The following NFILZ variants were observed in gnomAD, a reference collection of about 807,000 sequenced individuals.
NFILZ encodes NFIL3 like protein.
At chr19:8,634,240 C>G (rs1371074842) in intron 2 of NFILZ, among the ~76,000 whole-genome samples, 4 of 151,994 alleles carry the variant, frequency 2.6e-5, no homozygotes, top group Non-Finnish European at 5.9e-5. Context: ...TCAAGTGATC[C>G]ACCCCCTTGG....
intron 3 of NFILZ, among the ~76,000 whole-genome samples, chr19:8,656,751 GGT>G (rs1208960802): frequency 6.6e-6 from 1 of 152,234 alleles, no homozygotes; most frequent in Non-Finnish European, 1.5e-5. Context: ...GGCCCCTATG[GGT>G]GGCAACACCT....
intron 3 of NFILZ, among the ~76,000 whole-genome samples, chr19:8,656,353 TCCCTGAAGCCCACCTTC>T (rs2042996948): frequency 1.1e-5 from 1 of 93,598 alleles, no homozygotes; most frequent in African/African-American, 3.9e-5. Flanking sequence ...GCCCACCTCT[TCCCTGAAGCCCACCTTC>T]TCCCTGAAGC....
At chr19:8,644,139 T>C (rs1307845365) in intron 3 of NFILZ, among the ~76,000 whole-genome samples, 2 of 152,148 alleles carry the variant, frequency 1.3e-5, no homozygotes, top group African/African-American at 2.4e-5. Context: ...CCTGCTCTGT[T>C]ACCCAGGCAG....
intron 3 of NFILZ, among the ~76,000 whole-genome samples, chr19:8,647,791 GCGCGCACACACACACACACACACA>G (rs1187305241): frequency 4.3e-5 from 3 of 69,950 alleles, no homozygotes; most frequent in Non-Finnish European, 8.9e-5. Context: ...GCGCGCGCGC[GCGCGCACACACACACACACACACA>G]CACACACACA....
intron 3 of NFILZ, among the ~76,000 whole-genome samples, chr19:8,656,246 C>G (rs868979164): frequency 6.9e-6 from 1 of 145,196 alleles, no homozygotes; most frequent in Non-Finnish European, 1.5e-5. Context: ...CTCCTGCCTT[C>G]TCCACGCAGC....
At chr19:8,672,650 A>C (rs1739236306) in intron 3 of NFILZ, among the ~76,000 whole-genome samples, 1 of 152,200 alleles carries the variant, frequency 6.6e-6, no homozygotes, top group Admixed American at 6.5e-5. Flanking sequence ...TGCATTTATT[A>C]GTTCATGCCA....
At chr19:8,639,963 C>T (rs781933605) in intron 3 of NFILZ, among the ~76,000 whole-genome samples, 7 of 152,110 alleles carry the variant, frequency 4.6e-5, no homozygotes, top group South Asian at 2.1e-4. Flanking sequence ...GGCTGGGTCC[C>T]GGCTCTTTTG....
intron 3 of NFILZ, among the ~76,000 whole-genome samples, chr19:8,661,840 G>C (rs782166979): frequency 6.6e-6 from 1 of 152,084 alleles, no homozygotes; most frequent in Non-Finnish European, 1.5e-5. Flanking sequence ...AGCAGAGATC[G>C]CGCCACTGTA....
chr19:8,672,584 G>A (rs1555750375), intron 3 of NFILZ, among the ~76,000 whole-genome samples: 1 of 124,360 alleles, frequency 8.0e-6, no homozygotes, highest in South Asian at 2.6e-4. Flanking sequence ...AAATATTCAT[G>A]CATTTATTAA....
chr19:8,664,327 C>A (rs1056518273), intron 3 of NFILZ, among the ~76,000 whole-genome samples: 1 of 152,154 alleles, frequency 6.6e-6, no homozygotes, highest in African/African-American at 2.4e-5. Context: ...GGGACTGGGT[C>A]CTTGGCCTCA....
chr19:8,662,851 G>C (rs550160358), intron 3 of NFILZ, among the ~76,000 whole-genome samples: 1 of 151,754 alleles, frequency 6.6e-6, no homozygotes, highest in African/African-American at 2.4e-5. Flanking sequence ...TGGCCAGGTT[G>C]GTCTTCAACT....
chr19:8,661,554 C>T (rs2043032027), intron 3 of NFILZ, among the ~76,000 whole-genome samples: 1 of 152,120 alleles, frequency 6.6e-6, no homozygotes, highest in Non-Finnish European at 1.5e-5. Context: ...ACATCAAAGC[C>T]TCACATCATA....
At chr19:8,670,790 T>C (rs1473925355) in intron 3 of NFILZ, among the ~76,000 whole-genome samples, 1 of 152,000 alleles carries the variant, frequency 6.6e-6, no homozygotes. Context: ...AGGTCAGTAG[T>C]TTGAGACCAG....
At chr19:8,634,695 G>A (rs2042886496) in intron 2 of NFILZ, among the ~76,000 whole-genome samples, 1 of 152,058 alleles carries the variant, frequency 6.6e-6, no homozygotes, top group South Asian at 2.1e-4. Flanking sequence ...GGGCAACACA[G>A]TGAGACCTTG....
intron 3 of NFILZ, among the ~76,000 whole-genome samples, chr19:8,643,332 C>T (rs1244663321): frequency 6.6e-6 from 1 of 152,190 alleles, no homozygotes; most frequent in Non-Finnish European, 1.5e-5. Context: ...CCATAACTTC[C>T]AGGCTAGCCC....
At chr19:8,632,940 C>G (rs1475078720) in intron 2 of NFILZ, among the ~76,000 whole-genome samples, 7 of 151,198 alleles carry the variant, frequency 4.6e-5, no homozygotes, top group African/African-American at 1.7e-4. Flanking sequence ...CCAGGCTGGT[C>G]TCAAACTCTT....
At chr19:8,663,720 G>A (rs1467727794) in intron 3 of NFILZ, among the ~76,000 whole-genome samples, 1 of 83,168 alleles carries the variant, frequency 1.2e-5, no homozygotes, top group East Asian at 2.6e-4. Flanking sequence ...GTGTGTGTGT[G>A]TTTGTGTGTG....
At chr19:8,654,305 C>G (rs1220532847) in intron 3 of NFILZ, among the ~76,000 whole-genome samples, 4 of 113,074 alleles carry the variant, frequency 3.5e-5, no homozygotes, top group African/African-American at 1.4e-4. Flanking sequence ...CCACTTTTAC[C>G]CCAAAAGCTA....
At chr19:8,653,048 CTCTCTCTCTCTCT>C (rs2042976197) in intron 3 of NFILZ, among the ~76,000 whole-genome samples, 1 of 86,396 alleles carries the variant, frequency 1.2e-5, no homozygotes, top group Admixed American at 1.4e-4. Flanking sequence ...TTCTCTCTCT[CTCTCTCTCTCTCT>C]CTCTCTCTCT....
Sources: gnomAD v4.1 joint callset for allele counts (sites outside exome capture counted in the v4.1 genomes callset) on GRCh38, gnomAD v4.1.1 for gene constraint, MANE v1.5 for transcripts, NCBI Gene and HGNC (gene_info 2026-07-23, HGNC 2026-07-21) for gene names.